The following TG variants were observed in gnomAD, a reference collection of about 807,000 sequenced individuals.
The protein encoded by TG is thyroglobulin.
TG carries 270 observed loss-of-function variants against 324.7 expected under a neutral mutation model. That is an observed-to-expected ratio of 0.83 (90% CI 0.75 to 0.92). The LOEUF is 0.92. Ranked by LOEUF, TG falls within the 40% of genes least tolerant of loss-of-function variation. TG has a pLI of 0.00. For missense variants in TG, 3,591 were observed against 3,456.4 expected (o/e 1.04, Z -0.98); for synonymous variants, 1,401 against 1,327.0 (o/e 1.06, Z -1.21).
At chr8:133,071,904 T>A (rs1225107817) in intron 41 of TG, among the ~76,000 whole-genome samples, 1 of 152,192 alleles carries the variant, frequency 6.6e-6, no homozygotes, top group Non-Finnish European at 1.5e-5. Context: ...AAAGCCATGA[T>A]CTAGCCGGTG....
intron 22 of TG, among the ~76,000 whole-genome samples, chr8:132,927,240 A>AT (rs1822004500): frequency 6.6e-6 from 1 of 151,892 alleles, no homozygotes; most frequent in Admixed American, 6.6e-5. Flanking sequence ...TTAGTCATTC[A>AT]TTTGCCTATC....
rs1834552976 is a variant in TG at position 133,012,015 on chromosome 8, TCCGAGA to T, written c.6380_6385del (p.Arg2127_Asp2128del). On this transcript the variant is annotated inframe_deletion, in exon 36 of 48. Transcript: ENST00000220616. ...GCTGCCACCAGCAATTTCTCTGCTG[TCCGAGA>T]CCTCTGTTTGTCGGGTAAGGGGAGT... The T allele has an allele frequency of 6.2e-7, 1 of 1,614,094 alleles. No homozygotes were observed.
At position 133,017,670 on chromosome 8, in the gene TG, A is replaced by G. The variant is rs771522445; in HGVS notation, c.6563-108A>G. ...GAATGATTGACATTTTCAAGGTGCA[A>G]AAACCGTGATTTTTCTTTTGTTGAA... On this transcript the variant is annotated intron_variant, in intron 37 of 47. Transcript: ENST00000220616. The G allele has an allele frequency of 3.6e-6, 4 of 1,117,894 alleles. No individual in the cohort carries two copies. The South Asian group carries it at 3.8e-5, about 11-fold the overall frequency. The allele number at this position is 1,117,894 out of a possible 1,614,324, so 69.2% of individuals were successfully genotyped here. A position where few individuals can be genotyped will look rare whatever the true frequency, so the allele number is the denominator to read the frequency against.
At chr8:132,971,898 C>T (rs1259876544) in intron 33 of TG, 25 bp downstream of exon 33, 2 of 1,460,266 alleles carry the variant, frequency 1.4e-6, no homozygotes, top group Non-Finnish European at 9.6e-7. Flanking sequence ...AACTTCCTCT[C>T]CCCTGCGCAC....
chr8:132,956,968 A>T (rs776786746), intron 27 of TG, among the ~76,000 whole-genome samples: 19 of 152,110 alleles, frequency 1.2e-4, no homozygotes, highest in Non-Finnish European at 2.5e-4. Flanking sequence ...CAAGAGGAAG[A>T]TGGTCCTATT....
intron 41 of TG, chr8:133,060,143 T>C: frequency 1.2e-6 from 2 of 1,612,536 alleles, no homozygotes; most frequent in Non-Finnish European, 1.7e-6. Flanking sequence ...CAGGGGTGGA[T>C]TTCATGCTGT....
chr8:133,013,679 T>C lies in TG; in HGVS notation c.6477T>C (p.Asp2159=), dbSNP rs772705948. 6.2e-7 allele frequency: 1 copy of C among 1,614,224 alleles called. No homozygotes were observed. Among genetic ancestry groups the C allele is most frequent in the South Asian group, 1.1e-5 (1 of 91,084 alleles). The change falls in exon 37 of 48, where the codon GAT becomes GAC. Residue 2159 remains aspartate, a synonymous_variant. Coordinates refer to ENST00000220616, the MANE Select transcript of TG (RefSeq NM_003235.5). ...PGAVRCMFYA[D]TQSCTHSLQG... ...CTGTGAGATGTATGTTCTATGCTGATACTCAAAGCTGCACACATAGTCTGC... is the reference window on the plus strand; with the variant it reads ...CTGTGAGATGTATGTTCTATGCTGACACTCAAAGCTGCACACATAGTCTGC...
intron 41 of TG, among the ~76,000 whole-genome samples, chr8:133,091,999 G>A (rs1382355264): frequency 6.6e-6 from 1 of 152,156 alleles, no homozygotes; most frequent in Non-Finnish European, 1.5e-5. Flanking sequence ...GTGTCTGTGT[G>A]TGTCCTTAAC....
At chr8:132,895,812 A>G (rs1444600837) in intron 11 of TG, among the ~76,000 whole-genome samples, 2 of 152,230 alleles carry the variant, frequency 1.3e-5, no homozygotes, top group African/African-American at 2.4e-5. Context: ...ATGTCGAGAA[A>G]GGGGAGGCAA....
intron 41 of TG, chr8:133,073,377 T>A (rs989036741): frequency 1.3e-5 from 2 of 152,196 alleles, no homozygotes; most frequent in Non-Finnish European, 2.9e-5. Flanking sequence ...TTTTTTTAGA[T>A]GAAGTTTCGC....
chr8:132,997,173 A>G (rs569874045), intron 35 of TG, among the ~76,000 whole-genome samples: 2 of 152,334 alleles, frequency 1.3e-5, no homozygotes, highest in East Asian at 3.9e-4. Flanking sequence ...AGCACCAATC[A>G]AGGACAAGAC....
chr8:132,938,814 A>G (rs1386613391), intron 25 of TG, among the ~76,000 whole-genome samples: 1 of 152,162 alleles, frequency 6.6e-6, no homozygotes, highest in Non-Finnish European at 1.5e-5. Flanking sequence ...GCACTTTGGG[A>G]GGCCGAGGCA....
rs1340388622 is a variant in TG, at chr8:132,929,132, C to T, written c.4756C>T (p.Pro1586Ser). The change falls in exon 23 of 48, where the codon CCT becomes TCT. Residue 1586 changes from proline to serine, a missense_variant. Physicochemically the swap from Pro to Ser is moderately conservative, Grantham distance 74 (BLOSUM62 -1). Coordinates refer to ENST00000220616, the MANE Select transcript of TG (RefSeq NM_003235.5). The stretch of plus-strand genomic sequence containing the variant: ...AAAGGTGATCTTCGACGCCAATGCT[C>T]CTGTGGCTGTCAGATCCAAAGTTCC... ...ESKVIFDANA[P>S]VAVRSKVPDS... is the part of the protein sequence containing the mutation. 4 of 1,614,122 alleles carry T rather than the reference C, an allele frequency of 2.5e-6. No individual in the cohort carries two copies. The highest frequency in any genetic ancestry group is 3.3e-5 in the Admixed American group (2 of 60,020).
In TG at chr8:132,881,965, G is replaced by C. The variant is rs1208505547; in HGVS notation, c.741G>C (p.Glu247Asp). The change falls in exon 6 of 48, where the codon GAG (glutamate) becomes GAC (aspartate). Residue 247 changes from glutamate (E) to aspartate (D), a missense_variant. Physicochemically the swap from Glu to Asp is conservative, Grantham distance 45. Transcript: ENST00000220616. ...CADSQGRELAETGLELLLDEI... is the reference protein window; with the variant it reads ...CADSQGRELADTGLELLLDEI... ...ACAGCCAAGGGCGGGAACTGGCTGA[G>C]ACAGGTGAGTGATACCCCTCAGGTG... is the stretch of plus-strand genomic sequence containing the variant. 6.2e-6 allele frequency: 10 copies of C among 1,609,834 alleles called. No homozygotes were observed. Among genetic ancestry groups the C allele is most frequent in the African/African-American group, 1.3e-5 (1 of 74,856 alleles).
chr8:133,043,862 G>C (rs1838788337), intron 41 of TG, among the ~76,000 whole-genome samples: 2 of 152,180 alleles, frequency 1.3e-5, no homozygotes, highest in Non-Finnish European at 2.9e-5. Context: ...GAAGGGGGAA[G>C]ATGCTGTCAA....
At chr8:132,890,833 G>A (rs957412197) in intron 10 of TG, among the ~76,000 whole-genome samples, 9 of 152,208 alleles carry the variant, frequency 5.9e-5, no homozygotes, top group African/African-American at 1.2e-4. Context: ...TCACCCACAC[G>A]GGTGATGGCT....
intron 11 of TG, among the ~76,000 whole-genome samples, chr8:132,895,422 G>A (rs756284168): frequency 3.9e-5 from 6 of 152,228 alleles, no homozygotes; most frequent in African/African-American, 7.2e-5. Flanking sequence ...CTAATACCAC[G>A]TGACAATCTC....
At chr8:133,027,958 C>A (rs1587801794) in intron 40 of TG, among the ~76,000 whole-genome samples, 1 of 152,244 alleles carries the variant, frequency 6.6e-6, no homozygotes, top group African/African-American at 2.4e-5. Flanking sequence ...TAGGATCTCT[C>A]TTGCTTTCTG....
At chr8:132,963,941 G>T (rs534144934) in intron 29 of TG, among the ~76,000 whole-genome samples, 1 of 151,980 alleles carries the variant, frequency 6.6e-6, no homozygotes, top group Non-Finnish European at 1.5e-5. Flanking sequence ...AAGATCCCTG[G>T]ATTCATGTGT....
Sources: gnomAD v4.1 joint callset for allele counts (sites outside exome capture counted in the v4.1 genomes callset) on GRCh38, gnomAD v4.1.1 for gene constraint, MANE v1.5 for transcripts, NCBI Gene and HGNC (gene_info 2026-07-23, HGNC 2026-07-21) for gene names.